The following ZNF362 variants were observed in gnomAD, a reference collection of about 807,000 sequenced individuals.
ZNF362 encodes zinc finger protein 362.
In ZNF362, 11 loss-of-function variants were observed where a neutral mutation model predicts 42.9. The ratio of observed to expected loss-of-function variants is 0.26; its 90% CI spans 0.16 to 0.42. ZNF362 has a LOEUF of 0.42. Ranked by LOEUF, ZNF362 falls within the 20% of genes least tolerant of loss-of-function variation. The probability of loss-of-function intolerance (pLI) is 1.00; values close to 1 mark genes in which losing one functional copy is unlikely to be tolerated. For synonymous variants in ZNF362, 255 were observed against 257.3 expected (o/e 0.99, Z 0.09); for missense variants, 362 against 576.2 (o/e 0.63, Z 3.81).
At chr1:33,276,268 G>T in intron 3 of ZNF362, 80 bp from the exon 4 acceptor site, 1 of 1,564,924 alleles carries the variant, frequency 6.4e-7, no homozygotes, top group South Asian at 1.2e-5. Context: ...GGAGCGAGGG[G>T]CTCGCGGGTG....
chr1:33,238,469 G>A, the ZNF362 span, among the ~76,000 whole-genome samples: 1 of 151,992 alleles, frequency 6.6e-6, no homozygotes, highest in African/African-American at 2.4e-5. Flanking sequence ...TTTGAGTCAT[G>A]TGACCGTGGC....
At chr1:33,165,169 A>T in the ZNF362 span, 17 of 261,410 alleles carry the variant, frequency 6.5e-5, no homozygotes, top group South Asian at 2.3e-4. This position sits in a 1 kb window ranked among gnomAD's most constrained non-coding sequence, Gnocchi z 4.0. Flanking sequence ...GGGTTTCCGG[A>T]GGGTCCCGGG....
At chr1:33,297,511 C>CTTTTTTTTTTTTTTTTTT (rs776504622) in intron 8 of ZNF362, among the ~76,000 whole-genome samples, 2 of 78,908 alleles carry the variant, frequency 2.5e-5, no homozygotes, top group African/African-American at 6.6e-5. Flanking sequence ...TACATGATTC[C>CTTTTTTTTTTTTTTTTTT]TCTTTTTTTT....
At chr1:33,174,500 C>G in the ZNF362 span, among the ~76,000 whole-genome samples, 1 of 152,092 alleles carries the variant, frequency 6.6e-6, no homozygotes, top group East Asian at 1.9e-4. Flanking sequence ...AGTTTCTGAG[C>G]CTCAGTTTCT....
At chr1:33,268,322 C>G (rs985052887) in intron 1 of ZNF362, among the ~76,000 whole-genome samples, 2 of 152,186 alleles carry the variant, frequency 1.3e-5, no homozygotes, top group Non-Finnish European at 2.9e-5. Context: ...CCATCCAGGC[C>G]ACAGCCCTTT....
upstream of ZNF362, among the ~76,000 whole-genome samples, chr1:33,253,679 A>G (rs1645771766): frequency 6.6e-6 from 1 of 152,050 alleles, no homozygotes; most frequent in Non-Finnish European, 1.5e-5. Context: ...TCTCCATTCT[A>G]AACTTCTGTG....
chr1:33,268,365 T>G lies in ZNF362; in HGVS notation c.-88-2122T>G, dbSNP rs961988599. 2.0e-5 allele frequency among the ~76,000 whole-genome samples: 3 copies of G among 152,322 alleles called. No individual in the cohort carries two copies. In the East Asian group the frequency reaches 5.8e-4, roughly 29 times the overall value. ...CCCCACCTGATTATTAAGTAAGTAA[T>G]TAATCCAAACTTTTATCAGGTACTG... On this transcript the variant is annotated intron_variant, in intron 1 of 8. Transcript: ENST00000539719.
chr1:33,290,723 C>T (rs1484966843), intron 6 of ZNF362, among the ~76,000 whole-genome samples: 3 of 152,198 alleles, frequency 2.0e-5, no homozygotes, highest in East Asian at 1.9e-4. Context: ...TCTCCAGCAC[C>T]TGTTGTTTCC....
the ZNF362 span, among the ~76,000 whole-genome samples, chr1:33,170,979 C>T: frequency 6.6e-6 from 1 of 152,198 alleles, no homozygotes; most frequent in African/African-American, 2.4e-5. Context: ...GCTCCCTAGT[C>T]GCTTCTTTGT....
chr1:33,281,532 C>T lies in ZNF362; in HGVS notation c.684-55C>T. On this transcript the variant is annotated intron_variant, in intron 5 of 8. Coordinates refer to ENST00000539719, the MANE Select transcript of ZNF362 (RefSeq NM_152493.3). This position sits in a 1 kb window ranked among gnomAD's most constrained non-coding sequence, Gnocchi z 4.8. ...GTCTCTCTGATGTAGAAGGCCTCCC[C>T]TGAGATGGACAGTCTGGGGGATCTT... 6.3e-7 allele frequency: 1 copy of T among 1,581,408 alleles called. No individual in the cohort carries two copies. The highest frequency in any genetic ancestry group is 8.7e-7 in the Non-Finnish European group (1 of 1,152,114).
chr1:33,235,562 C>A, the ZNF362 span, among the ~76,000 whole-genome samples: 1 of 152,176 alleles, frequency 6.6e-6, no homozygotes, highest in Non-Finnish European at 1.5e-5. Flanking sequence ...GTAAGGCAGA[C>A]TTTACTCAGG....
At chr1:33,238,326 C>CATAAAATAAAATAACATAAA in the ZNF362 span, among the ~76,000 whole-genome samples, 1 of 85,178 alleles carries the variant, frequency 1.2e-5, no homozygotes. Context: ...CTCAAAATAA[C>CATAAAATAAAATAACATAAA]ATAAAATAAA....
chr1:33,131,800 T>C, the ZNF362 span, among the ~76,000 whole-genome samples: 1 of 152,206 alleles, frequency 6.6e-6, no homozygotes, highest in South Asian at 2.1e-4. Context: ...TATATTTATG[T>C]TGGACCTCAC....
At chr1:33,232,770 A>G in the ZNF362 span, among the ~76,000 whole-genome samples, 1 of 152,118 alleles carries the variant, frequency 6.6e-6, no homozygotes. Flanking sequence ...CTTAAGCCGT[A>G]TTTAGTTGGG....
chr1:33,150,186 G>C, the ZNF362 span, among the ~76,000 whole-genome samples: 846 of 152,374 alleles, frequency 5.6e-3, 9 homozygotes, highest in African/African-American at 0.019. Context: ...ATGAGGAAAA[G>C]TGGGAAGAAG....
chr1:33,257,847 C>G (rs1227707031), intron 1 of ZNF362, among the ~76,000 whole-genome samples: 1 of 152,146 alleles, frequency 6.6e-6, no homozygotes, highest in African/African-American at 2.4e-5. Context: ...CCAGGACCCC[C>G]CGTGTAGGCT....
chr1:33,288,760 A>AAAAAAAAAAAAAAAAAC, intron 6 of ZNF362, among the ~76,000 whole-genome samples: 1 of 148,744 alleles, frequency 6.7e-6, no homozygotes. Flanking sequence ...AAAAAAAAAA[A>AAAAAAAAAAAAAAAAAC]AAGAAGCGTG....
intron 4 of ZNF362, among the ~76,000 whole-genome samples, chr1:33,279,659 T>TTA (rs5773405): frequency 3.3e-5 from 5 of 150,734 alleles, no homozygotes; most frequent in South Asian, 2.1e-4. Context: ...TTTTTTTTTT[T>TTA]ATTACTCCTG....
Position 33,270,492 on chromosome 1 carries a change from G to A in ZNF362, c.-83G>A. 1 of 768,508 alleles carries A rather than the reference G, an allele frequency of 1.3e-6. No homozygotes were observed. Among genetic ancestry groups the A allele is most frequent in the Middle Eastern group, 2.4e-4 (1 of 4,248 alleles). 47.6% of individuals were successfully genotyped at this position (768,508 alleles called of 1,614,324 possible). On this transcript the variant is annotated 5_prime_UTR_variant, in exon 2 of 9. Transcript: ENST00000539719. ...TTGTTATTCCCATATACAAGGTGCT[G>A]TTGGGAACACAGAGGAAGTGACTGG...
Sources: gnomAD v4.1 joint callset for allele counts (sites outside exome capture counted in the v4.1 genomes callset) on GRCh38, gnomAD v4.1.1 for gene constraint, Gnocchi (gnomAD v3.1) non-coding constraint, MANE v1.5 for transcripts, NCBI Gene and HGNC (gene_info 2026-07-23, HGNC 2026-07-21) for gene names.